Variants in CSMD1 observed in about 807,000 individuals in gnomAD.
CSMD1 encodes CUB and sushi domain-containing protein 1.
A neutral mutation model predicts 417.5 loss-of-function variants in CSMD1; 213 were observed. That is an observed-to-expected ratio of 0.51 (90% CI 0.46 to 0.57). The LOEUF is 0.57. CSMD1 is among the 20% of genes least tolerant of loss of function. The pLI, the probability that CSMD1 is intolerant of heterozygous loss-of-function variation, is 0.00. For synonymous variants in CSMD1, 2,862 were observed against 1,736.8 expected (o/e 1.65, Z -16.11); for missense variants, 6,923 against 4,529.7 (o/e 1.53, Z -15.17).
chr8:4,273,709 A>C (rs1227640078), intron 3 of CSMD1, among the ~76,000 whole-genome samples: 1 of 152,186 alleles, frequency 6.6e-6, no homozygotes, highest in Non-Finnish European at 1.5e-5. Context: ...TATTCAGTTA[A>C]AAGGATTTGT....
intron 11 of CSMD1, among the ~76,000 whole-genome samples, chr8:3,482,185 T>C (rs1006304464): frequency 1.3e-5 from 2 of 152,090 alleles, no homozygotes; most frequent in African/African-American, 4.8e-5. Flanking sequence ...AACATATCAA[T>C]AATTACCTTA....
At chr8:3,796,655 T>A (rs1228913143) in intron 5 of CSMD1, among the ~76,000 whole-genome samples, 1 of 149,686 alleles carries the variant, frequency 6.7e-6, no homozygotes, top group Non-Finnish European at 1.5e-5. Context: ...TAGATATATA[T>A]CCACCTATAT....
chr8:4,319,857 G>A (rs956176497), intron 3 of CSMD1, among the ~76,000 whole-genome samples: 33 of 152,128 alleles, frequency 2.2e-4, no homozygotes, highest in Non-Finnish European at 4.4e-4. Flanking sequence ...TGTATATTAT[G>A]CAGGTAACAG....
chr8:3,912,672 G>C (rs955338100), intron 5 of CSMD1, among the ~76,000 whole-genome samples: 12 of 152,142 alleles, frequency 7.9e-5, no homozygotes, highest in East Asian at 3.9e-4. Flanking sequence ...GAGCATGTTT[G>C]ATAAACTGAG....
chr8:3,869,632 A>G (rs191481566), intron 5 of CSMD1, among the ~76,000 whole-genome samples: 148 of 152,280 alleles, frequency 9.7e-4, no homozygotes, highest in African/African-American at 3.4e-3. Context: ...CCGCTGAGCT[A>G]ACCTGGGGAA....
At chr8:3,479,391 C>T (rs1180788360) in intron 11 of CSMD1, among the ~76,000 whole-genome samples, 1 of 152,184 alleles carries the variant, frequency 6.6e-6, no homozygotes, top group Non-Finnish European at 1.5e-5. Flanking sequence ...AGTGATTCTC[C>T]TGCCTCAGCC....
intron 2 of CSMD1, among the ~76,000 whole-genome samples, chr8:4,453,514 C>A (rs1241579900): frequency 6.6e-6 from 1 of 152,206 alleles, no homozygotes; most frequent in Non-Finnish European, 1.5e-5. Context: ...GGCCTTCTTG[C>A]ATCAGATTCC....
chr8:3,699,759 G>T (rs1004403340), intron 7 of CSMD1, among the ~76,000 whole-genome samples: 3 of 152,172 alleles, frequency 2.0e-5, no homozygotes, highest in Non-Finnish European at 4.4e-5. Context: ...GCTCCGCAAC[G>T]AGGGACTGTT....
intron 1 of CSMD1, among the ~76,000 whole-genome samples, chr8:4,932,257 TTA>T (rs998622258): frequency 2.9e-5 from 3 of 103,208 alleles, no homozygotes; most frequent in African/African-American, 1.5e-4. Context: ...TTCTCTGGTT[TTA>T]AAAAAAAGTG....
intron 7 of CSMD1, among the ~76,000 whole-genome samples, chr8:3,683,007 G>A (rs1799746830): frequency 6.6e-6 from 1 of 152,032 alleles, no homozygotes; most frequent in South Asian, 2.1e-4. Context: ...GAGAACACAT[G>A]GACACAGGAA....
At chr8:3,607,397 G>C (rs749923667) in intron 8 of CSMD1, among the ~76,000 whole-genome samples, 8 of 152,192 alleles carry the variant, frequency 5.3e-5, no homozygotes, top group Non-Finnish European at 8.8e-5. Flanking sequence ...AGCAGACGGA[G>C]TATACTCTAA....
rs372604036 is a variant in CSMD1 at position 3,118,537 on chromosome 8, T to C, written c.6292A>G (p.Met2098Val). The change falls in exon 42 of 70, where the codon ATG becomes GTG. Residue 2098 changes from methionine (M) to valine (V), a missense_variant. Transcript: ENST00000635120. ...CCCACGCTGTAATCCGAGTTGATCATGTACCCATTCTGAAATGGGGGTGGA... is the reference window on the plus strand; with the variant it reads ...CCCACGCTGTAATCCGAGTTGATCACGTACCCATTCTGAAATGGGGGTGGA... ...PDPPPFQNGY[M>V]INSDYSVGQS... 6.2e-6 allele frequency: 10 copies of C among 1,613,820 alleles called. No individual in the cohort carries two copies. The highest frequency in any genetic ancestry group is 5.5e-5 in the South Asian group (5 of 91,090).
intron 12 of CSMD1, among the ~76,000 whole-genome samples, chr8:3,443,091 C>T (rs1025063128): frequency 1.3e-5 from 2 of 152,140 alleles, no homozygotes; most frequent in South Asian, 4.1e-4. Context: ...CATGGACTTG[C>T]ATTTGTACTT....
chr8:3,393,580 G>A (rs1365612019), intron 17 of CSMD1, among the ~76,000 whole-genome samples: 1 of 152,026 alleles, frequency 6.6e-6, no homozygotes, highest in Non-Finnish European at 1.5e-5. Context: ...CAAAGACTTG[G>A]AAACAACCCA....
intron 1 of CSMD1, among the ~76,000 whole-genome samples, chr8:4,810,933 A>C (rs983137294): frequency 6.6e-6 from 1 of 152,220 alleles, no homozygotes; most frequent in Non-Finnish European, 1.5e-5. Flanking sequence ...ATATGAGATT[A>C]AAGAATGGCA....
At chr8:4,819,979 T>C (rs1159755288) in intron 1 of CSMD1, among the ~76,000 whole-genome samples, 6 of 152,222 alleles carry the variant, frequency 3.9e-5, no homozygotes, top group Non-Finnish European at 5.9e-5. Context: ...TTTATTGTAA[T>C]TGGTAAACCT....
chr8:3,507,606 T>C (rs189087919), intron 10 of CSMD1, among the ~76,000 whole-genome samples: 145 of 152,292 alleles, frequency 9.5e-4, no homozygotes, highest in African/African-American at 3.3e-3. Flanking sequence ...GTTGAACTAG[T>C]TTACATTCCC....
intron 2 of CSMD1, among the ~76,000 whole-genome samples, chr8:4,565,351 G>C (rs767239645): frequency 2.0e-5 from 3 of 152,164 alleles, no homozygotes; most frequent in Admixed American, 6.5e-5. Context: ...AAAATGGCTT[G>C]TAACAAGCCA....
At chr8:4,731,085 T>C (rs1420268994) in intron 1 of CSMD1, among the ~76,000 whole-genome samples, 1 of 152,152 alleles carries the variant, frequency 6.6e-6, no homozygotes, top group Non-Finnish European at 1.5e-5. Flanking sequence ...AGAGAGACCA[T>C]TACCAGCTGT....
Sources: allele counts gnomAD v4.1 joint callset (sites outside exome capture counted in the v4.1 genomes callset), GRCh38; gene constraint gnomAD v4.1.1; transcripts MANE v1.5; gene names NCBI Gene and HGNC (gene_info 2026-07-23, HGNC 2026-07-21).